PCDHA8: variants seen among roughly 807,000 people sequenced by gnomAD.
PCDHA8 encodes the protein protocadherin alpha 8.
A neutral mutation model predicts 61.8 loss-of-function variants in PCDHA8; 53 were observed. The observed-to-expected ratio is 0.86, with a 90% confidence interval of 0.69 to 1.08. The LOEUF is 1.08. Among genes scored for constraint, PCDHA8 ranks in the 50% least tolerant of loss-of-function variants. PCDHA8 has a pLI of 0.00. For synonymous variants in PCDHA8, 618 were observed against 556.6 expected (o/e 1.11, Z -1.55); for missense variants, 1,293 against 1,245.0 (o/e 1.04, Z -0.58).
At chr5:140,981,327 A>C (rs1330138417) in intron 2 of PCDHA8, among the ~76,000 whole-genome samples, 1 of 152,196 alleles carries the variant, frequency 6.6e-6, no homozygotes, top group Non-Finnish European at 1.5e-5. Context: ...TAATCCCAGC[A>C]CTTTGGGAGG....
At chr5:140,871,400 C>T (rs146613275) in intron 1 of PCDHA8, 4 of 1,614,128 alleles carry the variant, frequency 2.5e-6, no homozygotes, top group Non-Finnish European at 3.4e-6. Flanking sequence ...CCACCTAAGA[C>T]GGACCTCATG....
At chr5:140,859,459 C>G (rs1379028308) in intron 1 of PCDHA8, 1 of 216,756 alleles carries the variant, frequency 4.6e-6, no homozygotes, top group Non-Finnish European at 8.9e-6. Context: ...AGTGACAAAA[C>G]TACACTATCA....
chr5:140,998,059 C>T (rs1471709750), intron 3 of PCDHA8, among the ~76,000 whole-genome samples: 1 of 152,154 alleles, frequency 6.6e-6, no homozygotes, highest in East Asian at 1.9e-4. Context: ...ACATCATCAT[C>T]AACAGACTTA....
intron 1 of PCDHA8, chr5:140,857,003 G>C: frequency 6.3e-7 from 1 of 1,595,436 alleles, no homozygotes; most frequent in Non-Finnish European, 8.6e-7. Context: ...TGAAATTCAT[G>C]TAGATGTTAC....
intron 3 of PCDHA8, 125 bp downstream of exon 3, chr5:140,982,688 A>G: frequency 6.4e-6 from 9 of 1,415,764 alleles, no homozygotes; most frequent in African/African-American, 1.4e-5. Flanking sequence ...CCTTTTTTCC[A>G]TACATACATG....
intron 3 of PCDHA8, among the ~76,000 whole-genome samples, chr5:140,988,509 TA>T (rs2097301045): frequency 6.6e-6 from 1 of 152,170 alleles, no homozygotes; most frequent in Non-Finnish European, 1.5e-5. Flanking sequence ...CCATGAAGCT[TA>T]CTTAAGTCTC....
chr5:140,953,075 A>G (rs1208986278), intron 1 of PCDHA8, among the ~76,000 whole-genome samples: 4 of 152,190 alleles, frequency 2.6e-5, no homozygotes, highest in Admixed American at 2.6e-4. Context: ...CATCTCCAAC[A>G]TTGGGGATTA....
chr5:140,877,090 G>T lies in PCDHA8; in HGVS notation c.2394+33375G>T, dbSNP rs201209762. ...GCAGTTCCAGGTGAGCGCGCGCGAC[G>T]CCGGCGTGCCGCCTCTGGGCAGCAA... is the stretch of plus-strand genomic sequence containing the variant. On this transcript the variant is annotated intron_variant, in intron 1 of 3. Coordinates refer to ENST00000531613, the MANE Select transcript of PCDHA8 (RefSeq NM_018911.3). 4,655 of 1,613,184 alleles carry T rather than the reference G, an allele frequency of 2.9e-3. 21 individuals are homozygous for T. Among genetic ancestry groups the T allele is most frequent in the African/African-American group, 0.01 (785 of 75,036 alleles).
chr5:140,856,246 G>T (rs782761072), intron 1 of PCDHA8: 2 of 1,598,030 alleles, frequency 1.3e-6, no homozygotes, highest in Admixed American at 1.7e-5. Flanking sequence ...TCCGGGTGGC[G>T]TCCAAAAGAC....
chr5:140,871,748 A>T (rs1298018715), intron 1 of PCDHA8: 3 of 637,032 alleles, frequency 4.7e-6, no homozygotes, highest in Non-Finnish European at 7.7e-6. Flanking sequence ...TCCTAAAAGA[A>T]ATGAGATGCA....
At position 140,843,190 on chromosome 5, in the gene PCDHA8, C is replaced by G. The variant is rs2150354954; in HGVS notation, c.1869C>G (p.Arg623=). 2 of 1,595,984 alleles carry G rather than the reference C, an allele frequency of 1.3e-6. No individual in the cohort carries two copies. Among genetic ancestry groups the G allele is most frequent in the South Asian group, 1.1e-5 (1 of 90,486 alleles). The change falls in exon 1 of 4, where the codon CGC becomes CGG. Residue 623 remains arginine, a synonymous_variant. Transcript: ENST00000531613. ...CAAGCAGCCCTCGCATCCCGTTCCG[C>G]GTGGGGCTGTACACGGGCGAGATCA... is the stretch of plus-strand genomic sequence containing the variant. ...PAASSPRIPF[R]VGLYTGEIST...
rs2080357826 is a variant in PCDHA8 at position 140,921,739 on chromosome 5, G to T, written c.2395-57210G>T. The stretch of plus-strand genomic sequence containing the variant: ...CGAATTACTCCCATAAAAATTATAA[G>T]CATAACAGGACACTTCTTGGCTACT... On this transcript the variant is annotated intron_variant, in intron 1 of 3. Transcript: ENST00000531613. Among the ~76,000 whole-genome samples, 7 of 152,134 alleles carry T rather than the reference G, an allele frequency of 4.6e-5. No individual in the cohort carries two copies. In the South Asian group the frequency reaches 1.5e-3, roughly 32 times the overall value.
In PCDHA8 at chr5:140,843,069, G is replaced by A. The variant is rs2150351711; in HGVS notation, c.1748G>A (p.Arg583Gln). The A allele has an allele frequency of 5.6e-6, 9 of 1,595,200 alleles. No individual in the cohort carries two copies. The highest frequency in any genetic ancestry group is 1.7e-5 in the Admixed American group (1 of 59,276). Residue 583 changes from arginine to glutamine, a missense_variant, in exon 1 of 4, where the codon CGG becomes CAG. Coordinates refer to ENST00000531613, the MANE Select transcript of PCDHA8 (RefSeq NM_018911.3). Reference sequence around the variant, plus strand: ...GGCGCAGCGAGCAAGCTGGTGCCGCGGTCTGTGGGCGCGGGCCACGTGGTA... The same window carrying A: ...GGCGCAGCGAGCAAGCTGGTGCCGCAGTCTGTGGGCGCGGGCCACGTGGTA... The part of the protein sequence containing the change: ...TGGAASKLVP[R>Q]SVGAGHVVAK...
rs1424640992 is a variant in PCDHA8 at position 140,843,839 on chromosome 5, T to A, written c.2394+124T>A. On this transcript the variant is annotated intron_variant, in intron 1 of 3. Transcript: ENST00000531613. The stretch of plus-strand genomic sequence containing the variant: ...GAAAATTTAAACATTGTTTAGTTTT[T>A]AGAAACCTTTTATAATTAATTGAAT... The A allele has an allele frequency of 3.1e-5, 33 of 1,049,446 alleles. 4 individuals carry two copies. The Admixed American group carries it at 7.9e-4, about 25-fold the overall frequency. 65.0% of individuals were successfully genotyped at this position (1,049,446 alleles called of 1,614,324 possible).
At chr5:140,870,481 A>C (rs1329928274) in intron 1 of PCDHA8, 1 of 1,614,210 alleles carries the variant, frequency 6.2e-7, no homozygotes, top group East Asian at 2.2e-5. Context: ...GCCCGAGTAC[A>C]CCGTGTTCGT....
At position 141,010,397 on chromosome 5, in the gene PCDHA8, A is replaced by C; in HGVS notation, c.*460A>C. On this transcript the variant is annotated 3_prime_UTR_variant, in exon 4 of 4. Coordinates refer to ENST00000531613, the MANE Select transcript of PCDHA8 (RefSeq NM_018911.3). ...TGCCAGATATTGGCTGAGACGAGCC[A>C]GCTTAGACTAATTGGTACAAGGAAG... 7.5e-7 allele frequency: 1 copy of C among 1,329,462 alleles called. No individual in the cohort carries two copies. The highest frequency in any genetic ancestry group is 1.0e-6 in the Non-Finnish European group (1 of 994,158). The allele number at this position is 1,329,462 out of a possible 1,614,324, so 82.4% of individuals were successfully genotyped here.
Position 140,853,581 on chromosome 5 carries a change from C to T in PCDHA8, c.2394+9866C>T, listed in dbSNP as rs765816845. ...GAAAAACTAAGTTGTCACCCAATAT[C>T]TTAGACACTTTGAGAGCAAAGGGGG... On this transcript the variant is annotated intron_variant, in intron 1 of 3. Transcript: ENST00000531613. 6.1e-4 allele frequency: 602 copies of T among 984,310 alleles called. 55 individuals are homozygous for T. Among genetic ancestry groups the T allele is most frequent in the Non-Finnish European group, 6.9e-4 (563 of 816,746 alleles). 61.0% of individuals were successfully genotyped at this position (984,310 alleles called of 1,614,324 possible).
At chr5:140,942,260 T>TA (rs2093256424) in intron 1 of PCDHA8, among the ~76,000 whole-genome samples, 1 of 152,086 alleles carries the variant, frequency 6.6e-6, no homozygotes, top group African/African-American at 2.4e-5. Flanking sequence ...AAAAGATATC[T>TA]AAAGCTGGTA....
At chr5:140,927,297 G>C in intron 1 of PCDHA8, 1 of 1,614,150 alleles carries the variant, frequency 6.2e-7, no homozygotes, top group Non-Finnish European at 8.5e-7. Context: ...ACATCCCCGA[G>C]TTCCTGACGC....
Sources: allele counts gnomAD v4.1 joint callset (sites outside exome capture counted in the v4.1 genomes callset), GRCh38; gene constraint gnomAD v4.1.1; transcripts MANE v1.5; gene names NCBI Gene and HGNC (gene_info 2026-07-23, HGNC 2026-07-21).